The following LGR4 variants were observed in gnomAD, a reference collection of about 807,000 sequenced individuals.
LGR4 encodes leucine rich repeat containing G protein-coupled receptor 4.
LGR4 carries 44 observed loss-of-function variants against 84.8 expected under a neutral mutation model. That is an observed-to-expected ratio of 0.52 (90% CI 0.41 to 0.67). The LOEUF is 0.67. Ranked by LOEUF, LGR4 falls within the 30% of genes least tolerant of loss-of-function variation. The probability of loss-of-function intolerance (pLI) is 0.00; values close to 1 mark genes in which losing one functional copy is unlikely to be tolerated. For missense variants in LGR4, 1,032 were observed against 1,131.4 expected (o/e 0.91, Z 1.26); for synonymous variants, 429 against 434.3 (o/e 0.99, Z 0.15).
intron 2 of LGR4, among the ~76,000 whole-genome samples, chr11:27,402,586 A>G (rs1367594806): frequency 6.6e-6 from 1 of 152,154 alleles, no homozygotes; most frequent in African/African-American, 2.4e-5. Context: ...CCTAAATGAT[A>G]ACTACTCTTC....
intron 2 of LGR4, among the ~76,000 whole-genome samples, chr11:27,408,060 T>C (rs1410610101): frequency 6.6e-6 from 1 of 152,174 alleles, no homozygotes; most frequent in Non-Finnish European, 1.5e-5. Context: ...TGTTTGTATA[T>C]GTTATTATCA....
intron 1 of LGR4, among the ~76,000 whole-genome samples, chr11:27,430,630 C>A (rs1027607558): frequency 6.6e-6 from 1 of 152,102 alleles, no homozygotes; most frequent in African/African-American, 2.4e-5. Flanking sequence ...TATCTTGTTT[C>A]TCCACCCCTC....
At chr11:27,412,014 C>T (rs979866909) in intron 2 of LGR4, among the ~76,000 whole-genome samples, 13 of 152,024 alleles carry the variant, frequency 8.6e-5, no homozygotes, top group African/African-American at 3.1e-4. Flanking sequence ...AATCCATTAG[C>T]TTGGCCTGTA....
Position 27,368,466 on chromosome 11 carries a change from T to C in LGR4, c.2257A>G (p.Ile753Val). The part of the protein sequence containing the change: ...SSMIKHVAWL[I>V]FTNCIFFCPV... ...CAGAAAAAGATGCAATTGGTGAAGA[T>C]TAGCCAAGCGACATGCTTAATCATG... The change falls in exon 18 of 18, where the codon ATC becomes GTC. Residue 753 changes from isoleucine to valine, a missense_variant. Coordinates refer to ENST00000379214, the MANE Select transcript of LGR4 (RefSeq NM_018490.5). The C allele has an allele frequency of 6.2e-7, 1 of 1,614,204 alleles. No individual in the cohort carries two copies. Among genetic ancestry groups the C allele is most frequent in the Non-Finnish European group, 8.5e-7 (1 of 1,180,018 alleles).
At chr11:27,415,650 C>A (rs2133402412) in intron 1 of LGR4, among the ~76,000 whole-genome samples, 1 of 152,228 alleles carries the variant, frequency 6.6e-6, no homozygotes, top group Middle Eastern at 3.4e-3. Flanking sequence ...ATTTCACACA[C>A]CCGGAGAAGT....
chr11:27,447,547 A>C (rs1490792848), intron 1 of LGR4, among the ~76,000 whole-genome samples: 2 of 152,140 alleles, frequency 1.3e-5, no homozygotes. Flanking sequence ...AATAATCCAC[A>C]CTTTGTTTAG....
intron 2 of LGR4, among the ~76,000 whole-genome samples, chr11:27,401,275 A>G (rs762097466): frequency 1.3e-5 from 2 of 152,192 alleles, no homozygotes; most frequent in African/African-American, 4.8e-5. Context: ...GAACTCTTCT[A>G]CCTACTAAAG....
At chr11:27,431,825 T>C (rs892307367) in intron 1 of LGR4, among the ~76,000 whole-genome samples, 6 of 152,220 alleles carry the variant, frequency 3.9e-5, no homozygotes, top group Admixed American at 6.5e-5. Context: ...TGAGTTCAAA[T>C]CCAAGTTCTA....
intron 1 of LGR4, among the ~76,000 whole-genome samples, chr11:27,423,195 A>G (rs1863954379): frequency 6.6e-6 from 1 of 152,202 alleles, no homozygotes. Context: ...TGTACATCCA[A>G]TAAGTGACCT....
chr11:27,421,113 T>G (rs1230119539), intron 1 of LGR4, among the ~76,000 whole-genome samples: 1 of 152,184 alleles, frequency 6.6e-6, no homozygotes, highest in African/African-American at 2.4e-5. Context: ...AGCCATATAT[T>G]ACAATGGGAC....
chr11:27,392,611 C>T, intron 2 of LGR4, 93 bp from the exon 3 acceptor site: 1 of 1,014,504 alleles, frequency 9.9e-7, no homozygotes, highest in Non-Finnish European at 1.4e-6. Context: ...GATTAAAACT[C>T]TATGTTAAAC....
intron 1 of LGR4, among the ~76,000 whole-genome samples, chr11:27,420,712 G>C (rs1863910868): frequency 6.6e-6 from 1 of 151,844 alleles, no homozygotes; most frequent in Admixed American, 6.6e-5. Context: ...TCCACACTGG[G>C]TTCATACTAA....
At position 27,382,211 on chromosome 11, in the gene LGR4, T is replaced by C. The variant is rs1863109068; in HGVS notation, c.735A>G (p.Lys245=). Residue 245 remains lysine, a synonymous_variant, in exon 7 of 18, where the codon AAA becomes AAG. Coordinates refer to ENST00000379214, the MANE Select transcript of LGR4 (RefSeq NM_018490.5). ...ACAGCTCTTTAAGGCTAGGAAGGGC[T>C]TTAATAGCCTGAGGAAATTCCCCCA... ...NNLGEFPQAI[K]ALPSLKELGF... is the part of the protein sequence containing the mutation. 1 of 1,609,684 alleles carries C rather than the reference T, an allele frequency of 6.2e-7. No homozygotes were observed. Among genetic ancestry groups the C allele is most frequent in the African/African-American group, 1.3e-5 (1 of 74,950 alleles).
rs913952477 is a variant in LGR4, at chr11:27,472,787, C to T, written c.-485G>A. The T allele has an allele frequency of 6.1e-6, 2 of 325,810 alleles. No individual in the cohort carries two copies. The highest frequency in any genetic ancestry group is 1.1e-5 in the Non-Finnish European group (2 of 179,994). The allele number at this position is 325,810 out of a possible 1,614,324, so 20.2% of individuals were successfully genotyped here. ...TCCTTTTCCCTTCTAGGGTTGCACG[C>T]TCTGGTTCCCAAACCCCCGGCCGCT... On this transcript the variant is annotated 5_prime_UTR_variant, in exon 1 of 18. Transcript: ENST00000379214.
intron 1 of LGR4, among the ~76,000 whole-genome samples, chr11:27,444,495 G>A (rs566716089): frequency 1.6e-4 from 24 of 152,212 alleles, no homozygotes; most frequent in Admixed American, 1.0e-3. Context: ...GGTCATACAA[G>A]TTGGAATTGA....
intron 6 of LGR4, 99 bp downstream of exon 6, chr11:27,384,237 C>A: frequency 1.3e-6 from 1 of 741,650 alleles, no homozygotes; most frequent in Non-Finnish European, 2.3e-6. Context: ...TAATAAGGAG[C>A]TGAACTTAAG....
At chr11:27,426,841 T>C (rs964429018) in intron 1 of LGR4, among the ~76,000 whole-genome samples, 1 of 152,202 alleles carries the variant, frequency 6.6e-6, no homozygotes, top group Non-Finnish European at 1.5e-5. Context: ...TTCTTTCCAC[T>C]ACCTTAAGCT....
Position 27,372,296 on chromosome 11 carries a change from C to G in LGR4, c.1482G>C (p.Val494=), listed in dbSNP as rs374285201. The G allele has an allele frequency of 4.4e-6, 7 of 1,608,396 alleles. No homozygotes were observed. The African/African-American group carries it at 9.4e-5, about 22-fold the overall frequency. ...TCATGCACTTGCCTTTCTCCTGTGCCACACTGTGGTCCTGGAGGCTGTTAT... is the reference window on the plus strand; with the variant it reads ...TCATGCACTTGCCTTTCTCCTGTGCGACACTGTGGTCCTGGAGGCTGTTAT... ...TEDNSLQDHS[V]AQEKGTADAA... is the part of the protein sequence containing the mutation. Residue 494 remains valine (V), a synonymous_variant, in exon 16 of 18, where the codon GTG becomes GTC. Transcript: ENST00000379214.
chr11:27,413,143 C>T (rs564676937), intron 1 of LGR4, among the ~76,000 whole-genome samples: 1 of 152,154 alleles, frequency 6.6e-6, no homozygotes, highest in Admixed American at 6.6e-5. Context: ...AATAAGTGGG[C>T]CAGGGTGGCT....
Sources: gnomAD v4.1 joint callset for allele counts (sites outside exome capture counted in the v4.1 genomes callset) on GRCh38, gnomAD v4.1.1 for gene constraint, MANE v1.5 for transcripts, NCBI Gene and HGNC (gene_info 2026-07-23, HGNC 2026-07-21) for gene names.